Variants in LYPLAL1 observed in about 807,000 individuals in gnomAD.
LYPLAL1 encodes lysophospholipase-like protein 1.
A neutral mutation model predicts 19.7 loss-of-function variants in LYPLAL1; 23 were observed. The observed-to-expected ratio is 1.17, with a 90% confidence interval of 0.84 to 1.65. LYPLAL1 has a LOEUF of 1.65. LYPLAL1 is among the 40% of genes most tolerant of loss of function. The pLI is 0.00. For synonymous variants in LYPLAL1, 119 were observed against 96.3 expected (o/e 1.24, Z -1.38); for missense variants, 355 against 279.4 (o/e 1.27, Z -1.93).
At chr1:219,333,496 G>T in the LYPLAL1 span, among the ~76,000 whole-genome samples, 1,056 of 152,058 alleles carry the variant, frequency 6.9e-3, 12 homozygotes, top group African/African-American at 0.024. Context: ...TGTCACCAAT[G>T]CTCCCGATCT....
At chr1:219,441,469 T>A in the LYPLAL1 span, among the ~76,000 whole-genome samples, 3 of 152,186 alleles carry the variant, frequency 2.0e-5, no homozygotes, top group Non-Finnish European at 1.5e-5. Context: ...GTGTTGATAA[T>A]TGTTTAAGAA....
chr1:219,340,750 T>C, the LYPLAL1 span, among the ~76,000 whole-genome samples: 3 of 152,068 alleles, frequency 2.0e-5, no homozygotes, highest in Admixed American at 6.6e-5. Context: ...ACTGAGTAAC[T>C]TTATGAGGCT....
the LYPLAL1 span, among the ~76,000 whole-genome samples, chr1:219,393,328 G>GT: frequency 6.6e-6 from 1 of 152,144 alleles, no homozygotes; most frequent in Non-Finnish European, 1.5e-5. Context: ...ACTGGAAGAG[G>GT]TCAGATCCTC....
At chr1:219,336,260 A>G in the LYPLAL1 span, among the ~76,000 whole-genome samples, 1 of 151,718 alleles carries the variant, frequency 6.6e-6, no homozygotes, top group Non-Finnish European at 1.5e-5. Context: ...AGTTGTTGCA[A>G]AAAGCCTGAA....
the LYPLAL1 span, among the ~76,000 whole-genome samples, chr1:219,395,225 T>C: frequency 6.6e-6 from 1 of 152,238 alleles, no homozygotes; most frequent in Non-Finnish European, 1.5e-5. Context: ...GGTTGAACTA[T>C]TTTACACTCT....
At chr1:219,409,057 T>C in the LYPLAL1 span, among the ~76,000 whole-genome samples, 1 of 152,174 alleles carries the variant, frequency 6.6e-6, no homozygotes, top group African/African-American at 2.4e-5. Flanking sequence ...AAGTATACTT[T>C]AATACTTCAA....
At chr1:219,198,182 A>G (rs1657768424) in intron 3 of LYPLAL1, among the ~76,000 whole-genome samples, 1 of 152,154 alleles carries the variant, frequency 6.6e-6, no homozygotes, top group Non-Finnish European at 1.5e-5. Flanking sequence ...GAATTTTTCT[A>G]ATGCTCCAGG....
At chr1:219,288,089 C>T in the LYPLAL1 span, among the ~76,000 whole-genome samples, 2 of 152,154 alleles carry the variant, frequency 1.3e-5, no homozygotes, top group Admixed American at 1.3e-4. Flanking sequence ...GGCTAATACA[C>T]TATAAAATCC....
chr1:219,401,349 T>G, the LYPLAL1 span, among the ~76,000 whole-genome samples: 1 of 151,170 alleles, frequency 6.6e-6, no homozygotes, highest in Non-Finnish European at 1.5e-5. Flanking sequence ...TTTTCTTTTT[T>G]TAATTGCCAC....
rs1445910512 is a variant in LYPLAL1 at position 219,173,979 on chromosome 1, C to G, written c.89C>G (p.Ser30Ter). 12 of 1,613,974 alleles carry G rather than the reference C, an allele frequency of 7.4e-6. No individual in the cohort carries two copies. Among genetic ancestry groups the G allele is most frequent in the African/African-American group, 1.3e-5 (1 of 74,934 alleles). ...GCCTCTCTGATCTTCCTGCATGGCT[C>G]AGGTGGATTTCAATTTTACGTCCTG... is the stretch of plus-strand genomic sequence containing the variant. Reference protein sequence around the residue: ...HSASLIFLHGSGDSGQGLRMW... With the variant: ...HSASLIFLHG The change falls in exon 1 of 5, where the codon TCA (serine) becomes TGA (stop). Residue 30 changes from serine (S) to a stop codon, truncating the protein, a stop_gained and splice_region_variant. Transcript: ENST00000366928. LOFTEE classifies it high-confidence loss of function.
At chr1:219,320,890 G>T in the LYPLAL1 span, among the ~76,000 whole-genome samples, 1 of 152,056 alleles carries the variant, frequency 6.6e-6, no homozygotes, top group Non-Finnish European at 1.5e-5. Context: ...GAATAGTGCC[G>T]CAATAAACAT....
At chr1:219,440,382 A>G in the LYPLAL1 span, among the ~76,000 whole-genome samples, 2 of 152,128 alleles carry the variant, frequency 1.3e-5, no homozygotes, top group African/African-American at 4.8e-5. Flanking sequence ...AAATGCCACT[A>G]AGAAATGACT....
the LYPLAL1 span, among the ~76,000 whole-genome samples, chr1:219,218,601 A>C: frequency 3.9e-5 from 6 of 152,042 alleles, no homozygotes; most frequent in Admixed American, 6.6e-5. Flanking sequence ...AAGCCAAAAA[A>C]TTGGACACAC....
At chr1:219,319,382 G>A in the LYPLAL1 span, among the ~76,000 whole-genome samples, 30 of 152,178 alleles carry the variant, frequency 2.0e-4, no homozygotes, top group African/African-American at 6.7e-4. Flanking sequence ...AGATGTGAAT[G>A]GGGAGTGCTT....
the LYPLAL1 span, among the ~76,000 whole-genome samples, chr1:219,419,336 G>T: frequency 6.6e-6 from 1 of 152,124 alleles, no homozygotes; most frequent in African/African-American, 2.4e-5. Context: ...GAGTCCCTGT[G>T]CCAGCGATCA....
the LYPLAL1 span, among the ~76,000 whole-genome samples, chr1:219,232,939 T>A: frequency 6.6e-6 from 1 of 151,298 alleles, no homozygotes; most frequent in African/African-American, 2.4e-5. Flanking sequence ...ACTGTTGTGA[T>A]GATGTAAAAT....
chr1:219,239,343 G>T, the LYPLAL1 span, among the ~76,000 whole-genome samples: 1 of 152,206 alleles, frequency 6.6e-6, no homozygotes. Flanking sequence ...TCCAGCACAG[G>T]TCCTGGTACA....
At position 219,211,770 on chromosome 1, in the gene LYPLAL1, G is replaced by A. The variant is rs774721615; in HGVS notation, c.*42G>A. On this transcript the variant is annotated 3_prime_UTR_variant, in exon 5 of 5. Coordinates refer to ENST00000366928, the MANE Select transcript of LYPLAL1 (RefSeq NM_138794.5). Reference sequence around the variant, plus strand: ...TTGTTAATGTAAGTGTAATGTCTTTGTGAAAAGTGATTTTTACTGCCAAAT... The same window carrying A: ...TTGTTAATGTAAGTGTAATGTCTTTATGAAAAGTGATTTTTACTGCCAAAT... The A allele has an allele frequency of 7.5e-7, 1 of 1,330,066 alleles. No individual in the cohort carries two copies. The allele number at this position is 1,330,066 out of a possible 1,614,324, so 82.4% of individuals were successfully genotyped here. A position where few individuals can be genotyped will look rare whatever the true frequency, so the allele number is the denominator to read the frequency against.
chr1:219,217,408 G>GTGTGTGTGTGTGTGTGTGTGTGT (rs58718037), downstream of LYPLAL1, among the ~76,000 whole-genome samples: 1 of 50,532 alleles, frequency 2.0e-5, no homozygotes, highest in Non-Finnish European at 5.3e-5. Flanking sequence ...GTGTGTGTGT[G>GTGTGTGTGTGTGTGTGTGTGTGT]AGAGATGGTT....
Sources: gnomAD v4.1 joint callset for allele counts (sites outside exome capture counted in the v4.1 genomes callset) on GRCh38, gnomAD v4.1.1 for gene constraint, MANE v1.5 for transcripts, NCBI Gene and HGNC (gene_info 2026-07-23, HGNC 2026-07-21) for gene names.